The following NHERF2 variants were observed in gnomAD, a reference collection of about 807,000 sequenced individuals.
NHERF2 encodes NHERF family PDZ scaffold protein 2, also known as Na(+)/H(+) exchange regulatory cofactor NHE-RF2.
chr16:2,026,950 C>T, the NHERF2 span: 2 of 755,686 alleles, frequency 2.6e-6, no homozygotes, highest in Non-Finnish European at 3.2e-6. Flanking sequence ...GCGCCGCCGC[C>T]GCCCCCGAGC....
the NHERF2 span, chr16:2,037,416 G>T: frequency 1.1e-6 from 1 of 951,308 alleles, no homozygotes. Flanking sequence ...TCCACCAGAG[G>T]CCCGAGGCCC....
chr16:2,033,083 C>T, the NHERF2 span: 7 of 985,366 alleles, frequency 7.1e-6, no homozygotes, highest in South Asian at 2.3e-4. Flanking sequence ...GGTCCTGGGG[C>T]AGGGCAGGGC....
At chr16:2,033,199 C>A in the NHERF2 span, 12 of 1,474,892 alleles carry the variant, frequency 8.1e-6, 1 homozygote, top group South Asian at 1.5e-4. Context: ...TCACCCTGCT[C>A]CCCAGAGTGA....
chr16:2,031,223 C>T, the NHERF2 span, among the ~76,000 whole-genome samples: 2 of 152,198 alleles, frequency 1.3e-5, no homozygotes, highest in African/African-American at 2.4e-5. Context: ...CTGTGGGACC[C>T]GTTTTGTTCC....
the NHERF2 span, among the ~76,000 whole-genome samples, chr16:2,031,994 T>C: frequency 6.6e-6 from 1 of 150,916 alleles, no homozygotes; most frequent in African/African-American, 2.4e-5. Context: ...ACCCGGCCCC[T>C]GAGGTCTGAG....
At chr16:2,032,110 C>T in the NHERF2 span, among the ~76,000 whole-genome samples, 1 of 148,228 alleles carries the variant, frequency 6.7e-6, no homozygotes, top group Non-Finnish European at 1.5e-5. The surrounding 1 kb of genome is among the most constrained non-coding windows in gnomAD (Gnocchi z 4.0). Context: ...AGCTCCGCCT[C>T]CTGGGTTCAA....
the NHERF2 span, among the ~76,000 whole-genome samples, chr16:2,028,263 C>T: frequency 6.6e-6 from 1 of 152,230 alleles, no homozygotes; most frequent in Non-Finnish European, 1.5e-5. Flanking sequence ...CTCTGTCGGC[C>T]GGCCCCATGC....
At chr16:2,038,196 T>C in the NHERF2 span, 11 of 601,380 alleles carry the variant, frequency 1.8e-5, no homozygotes, top group Non-Finnish European at 2.9e-5. Flanking sequence ...GACCCAGAGA[T>C]GTGAGAGAGA....
the NHERF2 span, among the ~76,000 whole-genome samples, chr16:2,031,638 C>T: frequency 1.6e-4 from 25 of 152,092 alleles, no homozygotes; most frequent in African/African-American, 5.8e-4. Flanking sequence ...GTGGCAGGTC[C>T]CTTTGTGCAT....
the NHERF2 span, chr16:2,037,515 A>G: frequency 6.2e-7 from 1 of 1,602,044 alleles, no homozygotes; most frequent in Non-Finnish European, 8.5e-7. Flanking sequence ...CTGTGAAACC[A>G]CAATCTGCCC....
chr16:2,036,907 T>C, the NHERF2 span: 11 of 1,592,172 alleles, frequency 6.9e-6, no homozygotes, highest in African/African-American at 1.1e-4. Context: ...GGGCACAGGG[T>C]GGGTGCGGTG....
At chr16:2,037,866 G>A in the NHERF2 span, 2 of 1,602,978 alleles carry the variant, frequency 1.2e-6, no homozygotes, top group South Asian at 2.2e-5. Flanking sequence ...CAGGAGAGCG[G>A]CCTCCACCTG....
chr16:2,037,118 CCT>C, the NHERF2 span: 5 of 1,196,972 alleles, frequency 4.2e-6, no homozygotes, highest in Non-Finnish European at 5.9e-6. Flanking sequence ...CGATTTTAGC[CCT>C]GTCACCTCCC....
the NHERF2 span, chr16:2,036,578 G>GT: frequency 6.6e-7 from 1 of 1,521,458 alleles, no homozygotes; most frequent in Non-Finnish European, 8.8e-7. Context: ...TCCTTGCAGG[G>GT]AGGAGGGAGA....
the NHERF2 span, chr16:2,029,873 A>G: frequency 1.7e-6 from 2 of 1,191,608 alleles, no homozygotes; most frequent in South Asian, 1.4e-5. Flanking sequence ...GGTCACCTCC[A>G]GAAGTCTTGG....
chr16:2,029,644 A>G, the NHERF2 span: 22 of 1,575,830 alleles, frequency 1.4e-5, no homozygotes, highest in Non-Finnish European at 1.6e-5. Context: ...ACCAGGAGAC[A>G]GATGAGGAGC....
the NHERF2 span, among the ~76,000 whole-genome samples, chr16:2,030,948 C>A: frequency 1.1e-4 from 17 of 151,816 alleles, no homozygotes; most frequent in Admixed American, 7.9e-4. Context: ...CAAAAAAAAA[C>A]AAAAAAAGGA....
the NHERF2 span, among the ~76,000 whole-genome samples, chr16:2,031,084 T>C: frequency 6.6e-6 from 1 of 152,312 alleles, no homozygotes; most frequent in East Asian, 1.9e-4. Context: ...CACATTCACT[T>C]TCTCCCTTTC....
the NHERF2 span, chr16:2,037,948 C>G: frequency 5.6e-6 from 9 of 1,613,446 alleles, no homozygotes; most frequent in African/African-American, 1.2e-4. Flanking sequence ...CACAGATGGA[C>G]TGGAACAGGA....
Sources: allele counts gnomAD v4.1 joint callset (sites outside exome capture counted in the v4.1 genomes callset), GRCh38; gene constraint gnomAD v4.1.1; non-coding constraint Gnocchi (gnomAD v3.1); transcripts MANE v1.5; gene names NCBI Gene and HGNC (gene_info 2026-07-23, HGNC 2026-07-21).